The following MTREX variants were observed in gnomAD, a reference collection of about 807,000 sequenced individuals.
MTREX encodes the protein exosome RNA helicase MTR4.
MTREX carries 76 observed loss-of-function variants against 135.4 expected under a neutral mutation model. The ratio of observed to expected loss-of-function variants is 0.56; its 90% CI spans 0.47 to 0.68. The LOEUF (loss-of-function observed/expected upper bound fraction) is 0.68. Ranked by LOEUF, MTREX falls within the 30% of genes least tolerant of loss-of-function variation. MTREX has a pLI of 0.00. For synonymous variants in MTREX, 404 were observed against 401.6 expected (o/e 1.01, Z -0.07); for missense variants, 920 against 1,262.1 (o/e 0.73, Z 4.11).
chr5:55,412,944 T>C (rs1176948302), intron 23 of MTREX, among the ~76,000 whole-genome samples: 1 of 152,200 alleles, frequency 6.6e-6, no homozygotes, highest in African/African-American at 2.4e-5. Context: ...TCTTGATTTA[T>C]TATACATATA....
At position 55,345,113 on chromosome 5, in the gene MTREX, AT is replaced by A. The variant is rs1300618697; in HGVS notation, c.1029del (p.Phe343LeufsTer36). On this transcript the variant is annotated frameshift_variant, in exon 10 of 27. Transcript: ENST00000230640. LOFTEE classifies it high-confidence loss of function. The stretch of plus-strand genomic sequence containing the variant: ...TTCCAGGGTGACTTCAGAGAAGATA[AT>A]TTTAATACTGCAATGCAAGTGCTTC... ...VDENGDFRED[N>X]FNTAMQVLRD... is the part of the protein sequence containing the mutation. The A allele has an allele frequency of 1.2e-6, 2 of 1,612,974 alleles. No individual in the cohort carries two copies. Among genetic ancestry groups the A allele is most frequent in the South Asian group, 2.2e-5 (2 of 90,914 alleles).
intron 16 of MTREX, among the ~76,000 whole-genome samples, chr5:55,376,196 T>C (rs965460443): frequency 5.9e-5 from 9 of 152,246 alleles, no homozygotes; most frequent in Non-Finnish European, 1.2e-4. Context: ...AATTTAGTTA[T>C]GTCCAATGAT....
chr5:55,371,584 A>G (rs964736986), intron 16 of MTREX, among the ~76,000 whole-genome samples: 2 of 152,132 alleles, frequency 1.3e-5, no homozygotes, highest in Admixed American at 6.5e-5. Context: ...AGCTTCTTAT[A>G]CTAAAGTTCC....
Position 55,327,832 on chromosome 5 carries a change from T to C in MTREX, c.402+54T>C, listed in dbSNP as rs2112038948. 7 of 1,268,068 alleles carry C rather than the reference T, an allele frequency of 5.5e-6. No individual in the cohort carries two copies. The South Asian group carries it at 6.4e-5, about 12-fold the overall frequency. The allele number at this position is 1,268,068 out of a possible 1,614,324, so 78.6% of individuals were successfully genotyped here. ...TAGTTTCGTGAGACTCTCTTTTTCTTAAAATTCTTATTTCAAATGAGATTT... is the reference window on the plus strand; with the variant it reads ...TAGTTTCGTGAGACTCTCTTTTTCTCAAAATTCTTATTTCAAATGAGATTT... On this transcript the variant is annotated intron_variant, in intron 4 of 26. Coordinates refer to ENST00000230640, the MANE Select transcript of MTREX (RefSeq NM_015360.5).
intron 18 of MTREX, among the ~76,000 whole-genome samples, chr5:55,379,597 C>T (rs1470399225): frequency 2.0e-5 from 3 of 151,880 alleles, no homozygotes; most frequent in African/African-American, 7.3e-5. Context: ...CACACACACA[C>T]ACACACACAC....
At chr5:55,332,201 T>C (rs1437242774) in intron 5 of MTREX, among the ~76,000 whole-genome samples, 2 of 152,192 alleles carry the variant, frequency 1.3e-5, no homozygotes, top group Non-Finnish European at 2.9e-5. Context: ...TACTAATGTT[T>C]GATGGAACTG....
At chr5:55,402,470 G>C (rs1407983058) in intron 21 of MTREX, among the ~76,000 whole-genome samples, 1 of 152,166 alleles carries the variant, frequency 6.6e-6, no homozygotes, top group East Asian at 1.9e-4. Flanking sequence ...AGCATCCTTG[G>C]AGGTGGTTTG....
intron 18 of MTREX, among the ~76,000 whole-genome samples, chr5:55,380,543 TTTA>T (rs1750379705): frequency 6.6e-6 from 1 of 152,190 alleles, no homozygotes. Context: ...ATTTTTGCTT[TTTA>T]TTCTATTTTG....
At chr5:55,333,334 A>T (rs898211943) in intron 5 of MTREX, among the ~76,000 whole-genome samples, 10 of 152,150 alleles carry the variant, frequency 6.6e-5, no homozygotes, top group African/African-American at 2.4e-4. Flanking sequence ...TCCTGTTCAG[A>T]AGATGCTTAA....
intron 1 of MTREX, among the ~76,000 whole-genome samples, chr5:55,312,972 A>G (rs967342338): frequency 7.9e-5 from 12 of 152,338 alleles, no homozygotes; most frequent in East Asian, 5.8e-4. Flanking sequence ...AGGGTGCACA[A>G]TGCTACTGGA....
chr5:55,349,971 A>G (rs930749373), intron 12 of MTREX, among the ~76,000 whole-genome samples: 1 of 152,212 alleles, frequency 6.6e-6, no homozygotes, highest in Non-Finnish European at 1.5e-5. Flanking sequence ...CACATAAAAT[A>G]AAAGAGAACA....
chr5:55,349,884 T>TA (rs1749799782), intron 12 of MTREX, among the ~76,000 whole-genome samples: 1 of 152,232 alleles, frequency 6.6e-6, no homozygotes, highest in Non-Finnish European at 1.5e-5. Context: ...GTGTGAAAAT[T>TA]ACTGCTAGTG....
chr5:55,343,045 C>G (rs923202465), intron 7 of MTREX, among the ~76,000 whole-genome samples: 1 of 152,152 alleles, frequency 6.6e-6, no homozygotes, highest in African/African-American at 2.4e-5. Context: ...GTTCCGCTGC[C>G]TTGTCATTGA....
At chr5:55,339,593 A>G (rs1242963291) in intron 5 of MTREX, among the ~76,000 whole-genome samples, 2 of 152,244 alleles carry the variant, frequency 1.3e-5, no homozygotes, top group Admixed American at 6.5e-5. Flanking sequence ...TGGGAAAAGA[A>G]TACATATAGA....
intron 5 of MTREX, among the ~76,000 whole-genome samples, chr5:55,331,516 A>C (rs1379402109): frequency 6.6e-6 from 1 of 152,216 alleles, no homozygotes; most frequent in African/African-American, 2.4e-5. Flanking sequence ...CATTTCTGCC[A>C]GTCGTGTATA....
chr5:55,309,819 G>A (rs1749080719), intron 1 of MTREX, among the ~76,000 whole-genome samples: 1 of 152,186 alleles, frequency 6.6e-6, no homozygotes, highest in South Asian at 2.1e-4. Flanking sequence ...AACTTCTGGA[G>A]AGGGTACATA....
chr5:55,327,872 A>G (rs1028232648), intron 4 of MTREX, 94 bp downstream of exon 4: 5 of 941,432 alleles, frequency 5.3e-6, no homozygotes, highest in African/African-American at 4.9e-5. Flanking sequence ...ATTTCCCACA[A>G]CATGTATATG....
At chr5:55,338,208 T>A (rs1749584665) in intron 5 of MTREX, among the ~76,000 whole-genome samples, 1 of 152,184 alleles carries the variant, frequency 6.6e-6, no homozygotes, top group Non-Finnish European at 1.5e-5. Flanking sequence ...AGGTTTTTAA[T>A]AAATATTTCT....
At position 55,424,730 on chromosome 5, in the gene MTREX, A is replaced by C; in HGVS notation, c.3087A>C (p.Lys1029Asn). 2 of 1,611,828 alleles carry C rather than the reference A, an allele frequency of 1.2e-6. 1 individual carries two copies. The highest frequency in any genetic ancestry group is 2.2e-5 in the South Asian group (2 of 90,992). Residue 1029 changes from lysine to asparagine, a missense_variant, in exon 27 of 27, where the codon AAA (lysine) becomes AAC (asparagine). Physicochemically the swap from Lys to Asn is moderately conservative, Grantham distance 94 (BLOSUM62 0). This residue lies in a region of MTREX where 467 missense variants were observed against 589.7 expected (regional missense o/e 0.79). Coordinates refer to ENST00000230640, the MANE Select transcript of MTREX (RefSeq NM_015360.5). The part of the protein sequence containing the change: ...LENKFAEGIT[K>N]IKRDIVFAAS... ...TTTCTTTTCTCTTAGGAATCACCAA[A>C]ATCAAGAGAGATATTGTGTTTGCTG...
Sources: gnomAD v4.1 joint callset for allele counts (sites outside exome capture counted in the v4.1 genomes callset) on GRCh38, gnomAD v4.1.1 for gene constraint, gnomAD v4.1.1 regional missense constraint, MANE v1.5 for transcripts, NCBI Gene and HGNC (gene_info 2026-07-23, HGNC 2026-07-21) for gene names.